The following TET2 variants were observed in gnomAD, a reference collection of about 807,000 sequenced individuals.
TET2 encodes the protein tet methylcytosine dioxygenase 2.
TET2 carries 299 observed loss-of-function variants against 142.9 expected under a neutral mutation model. The ratio of observed to expected loss-of-function variants is 2.09; its 90% CI spans 1.90 to 2.30. The LOEUF is 2.30. TET2 is among the 30% of genes most tolerant of loss of function. The pLI, the probability that TET2 is intolerant of heterozygous loss-of-function variation, is 0.00. For missense variants in TET2, 2,418 were observed against 2,378.0 expected (o/e 1.02, Z -0.35); for synonymous variants, 819 against 849.0 (o/e 0.96, Z 0.61).
rs2110311928 is a variant in TET2, at chr4:105,275,152, C to A, written c.4642C>A (p.Gln1548Lys). ...PQQQQRPQQQ[Q>K]PHHPQTESVN... ...GCAGCAGCAGAGACCCCAGCAGCAG[C>A]AGCCACATCACCCTCAGACAGAGTC... Residue 1548 changes from glutamine to lysine, a missense_variant, in exon 11 of 11, where the codon CAG becomes AAG. Transcript: ENST00000380013. The A allele has an allele frequency of 6.4e-7, 1 of 1,552,186 alleles. No homozygotes were observed. The highest frequency in any genetic ancestry group is 8.7e-7 in the Non-Finnish European group (1 of 1,147,080).
intron 1 of TET2, among the ~76,000 whole-genome samples, chr4:105,185,978 G>A (rs1725415841): frequency 6.6e-6 from 1 of 152,172 alleles, no homozygotes; most frequent in Non-Finnish European, 1.5e-5. Context: ...TGTAATCCCA[G>A]CACTTTGGAA....
chr4:105,257,597 C>T (rs1560562171), intron 6 of TET2, among the ~76,000 whole-genome samples: 1 of 152,066 alleles, frequency 6.6e-6, no homozygotes. Flanking sequence ...CCTGCTTGTG[C>T]AGAGTCTCAA....
At chr4:105,247,013 A>G (rs1453920084) in intron 6 of TET2, among the ~76,000 whole-genome samples, 1 of 152,174 alleles carries the variant, frequency 6.6e-6, no homozygotes. Context: ...ATCATAAGGA[A>G]ATCAAAGCCA....
chr4:105,239,844 T>G (rs1729195548), intron 3 of TET2: 1 of 231,992 alleles, frequency 4.3e-6, no homozygotes, highest in African/African-American at 2.2e-5. Context: ...AGCTTTTGAT[T>G]TAAAGTGGCA....
intron 6 of TET2, among the ~76,000 whole-genome samples, chr4:105,253,482 G>T (rs1462800557): frequency 6.6e-6 from 1 of 151,144 alleles, no homozygotes; most frequent in East Asian, 1.9e-4. Context: ...ATGCAGAAAA[G>T]TGATCAACTT....
chr4:105,267,354 AT>A (rs1730730230), intron 8 of TET2, among the ~76,000 whole-genome samples: 1 of 152,050 alleles, frequency 6.6e-6, no homozygotes, highest in Non-Finnish European at 1.5e-5. Flanking sequence ...TTTTAAAAAA[AT>A]GATAACTTGC....
intron 1 of TET2, chr4:105,171,335 C>G (rs898990812): frequency 2.0e-5 from 3 of 152,234 alleles, no homozygotes; most frequent in Admixed American, 6.5e-5. Flanking sequence ...GATTAATGCT[C>G]TACTCCATGC....
At chr4:105,227,479 G>A (rs1407224255) in intron 2 of TET2, among the ~76,000 whole-genome samples, 1 of 152,002 alleles carries the variant, frequency 6.6e-6, no homozygotes, top group African/African-American at 2.4e-5. Context: ...TGCATACAGT[G>A]AATTACAATG....
At chr4:105,200,329 A>G (rs1215548022) in intron 2 of TET2, among the ~76,000 whole-genome samples, 1 of 152,124 alleles carries the variant, frequency 6.6e-6, no homozygotes, top group Admixed American at 6.5e-5. Flanking sequence ...TGTTGGCCGC[A>G]TGTATGTCTT....
At chr4:105,151,529 A>G (rs1036267859) in intron 1 of TET2, among the ~76,000 whole-genome samples, 1 of 151,412 alleles carries the variant, frequency 6.6e-6, no homozygotes, top group African/African-American at 2.4e-5. Context: ...AAATTCAGTG[A>G]TAATATCATC....
At chr4:105,150,743 A>G (rs1010545382) in intron 1 of TET2, among the ~76,000 whole-genome samples, 7 of 152,178 alleles carry the variant, frequency 4.6e-5, no homozygotes, top group Admixed American at 4.6e-4. Flanking sequence ...TCCAATTTCT[A>G]TTTCTACTCA....
chr4:105,199,914 AAC>A (rs1726344018), intron 2 of TET2, among the ~76,000 whole-genome samples: 1 of 151,304 alleles, frequency 6.6e-6, no homozygotes, highest in Non-Finnish European at 1.5e-5. Flanking sequence ...GTGTATATAT[AAC>A]ACAGTTTTTT....
At chr4:105,268,137 CTG>C (rs1243007185) in intron 8 of TET2, among the ~76,000 whole-genome samples, 1 of 152,098 alleles carries the variant, frequency 6.6e-6, no homozygotes, top group Non-Finnish European at 1.5e-5. Flanking sequence ...AAAAATAAAA[CTG>C]TACTTATTTG....
rs376675366 is a variant in TET2, at chr4:105,218,673, C to T, written c.-46-15224C>T. 5.3e-4 allele frequency among the ~76,000 whole-genome samples: 80 copies of T among 151,864 alleles called. 2 individuals are homozygous for T. In the South Asian group the frequency reaches 0.017, roughly 32 times the overall value. On this transcript the variant is annotated intron_variant, in intron 2 of 10. Transcript: ENST00000380013. ...GGTGGTTGTGACTTGCTCACAAACC[C>T]ACATTTAGAACCAAAACTCAGCATT...
rs868255709 is a variant in TET2, at chr4:105,204,226, A to T, written c.-47+13721A>T. ...AAACAAAAACAAACCAAAAAAAAAA[A>T]AAATATATACACACACACACACACA... On this transcript the variant is annotated intron_variant, in intron 2 of 10. Coordinates refer to ENST00000380013, the MANE Select transcript of TET2 (RefSeq NM_001127208.3). 8.4e-3 allele frequency among the ~76,000 whole-genome samples: 722 copies of T among 85,998 alleles called. 6 individuals are homozygous for T. Among genetic ancestry groups the T allele is most frequent in the African/African-American group, 0.032 (652 of 20,518 alleles). 56.4% of individuals were successfully genotyped at this position (85,998 alleles called of 152,430 possible). A position where few individuals can be genotyped will look rare whatever the true frequency, so the allele number is the denominator to read the frequency against.
At chr4:105,267,606 A>G (rs547359626) in intron 8 of TET2, among the ~76,000 whole-genome samples, 9 of 151,584 alleles carry the variant, frequency 5.9e-5, no homozygotes, top group Non-Finnish European at 1.3e-4. Flanking sequence ...CAATCCAAAA[A>G]TGTTTTTAAA....
intron 6 of TET2, among the ~76,000 whole-genome samples, chr4:105,255,921 G>GTT (rs1553916529): frequency 0.019 from 2,929 of 151,128 alleles, 94 homozygotes; most frequent in African/African-American, 0.066. Context: ...TAAATTTTTT[G>GTT]ATGTTCTTAA....
At chr4:105,265,876 A>G (rs943744452) in intron 8 of TET2, among the ~76,000 whole-genome samples, 1 of 152,200 alleles carries the variant, frequency 6.6e-6, no homozygotes, top group Non-Finnish European at 1.5e-5. Flanking sequence ...TGAAGAGAGT[A>G]TTAGGCTCCA....
Position 105,275,080 on chromosome 4 carries a change from C to T in TET2, c.4570C>T (p.Gln1524Ter), listed in dbSNP as rs1731134339. 2 of 1,546,938 alleles carry T rather than the reference C, an allele frequency of 1.3e-6. No homozygotes were observed. The highest frequency in any genetic ancestry group is 1.2e-5 in the South Asian group (1 of 83,068). ...GCGACTTTCAGGACCAGTCATGCAG[C>T]AGTCCCAGCAGCCCCAGCCTCTACA... The part of the protein sequence containing the change: ...LLRLSGPVMQ[Q>*]SQQPQPLQKQ... The change falls in exon 11 of 11, where the codon CAG becomes TAG. Residue 1524 changes from glutamine (Q) to a stop codon, truncating the protein, a stop_gained. Transcript: ENST00000380013. LOFTEE classifies it low-confidence loss of function (END_TRUNC).
Sources: gnomAD v4.1 joint callset for allele counts (sites outside exome capture counted in the v4.1 genomes callset) on GRCh38, gnomAD v4.1.1 for gene constraint, MANE v1.5 for transcripts, NCBI Gene and HGNC (gene_info 2026-07-23, HGNC 2026-07-21) for gene names.